Variants in DCUN1D4 observed in about 807,000 individuals in gnomAD.
The protein encoded by DCUN1D4 is defective in cullin neddylation 1 domain containing 4, also known as DCN1-like protein 4.
DCUN1D4 carries 22 observed loss-of-function variants against 47.9 expected under a neutral mutation model. The observed-to-expected ratio is 0.46, with a 90% confidence interval of 0.33 to 0.66. The LOEUF (loss-of-function observed/expected upper bound fraction) is 0.66, where lower values mean the gene tolerates loss of function less well. Ranked by LOEUF, DCUN1D4 falls within the 30% of genes least tolerant of loss-of-function variation. The pLI, the probability that DCUN1D4 is intolerant of heterozygous loss-of-function variation, is 0.02. For missense variants in DCUN1D4, 301 were observed against 340.8 expected (o/e 0.88, Z 0.92); for synonymous variants, 121 against 112.2 (o/e 1.08, Z -0.50).
chr4:51,878,320 A>G (rs1728004528), intron 5 of DCUN1D4, among the ~76,000 whole-genome samples: 1 of 152,182 alleles, frequency 6.6e-6, no homozygotes, highest in South Asian at 2.1e-4. Flanking sequence ...GCAATTTACT[A>G]TAATTGGTTG....
Position 51,863,447 on chromosome 4 carries a change from G to C in DCUN1D4, c.36G>C (p.Leu12=). The change falls in exon 2 of 11, where the codon CTG becomes CTC. Residue 12 remains leucine (L), a synonymous_variant. Coordinates refer to ENST00000334635, the MANE Select transcript of DCUN1D4 (RefSeq NM_001040402.3). ...CTTTTTCTTTTCAAGATTTTCAGCT[G>C]AACTCTCATCTCTCAACACTGGCAA... ...HSDAAAVNFQ[L]NSHLSTLANI... 6.2e-7 allele frequency: 1 copy of C among 1,610,962 alleles called. No individual in the cohort carries two copies.
At chr4:51,878,400 A>G (rs1728018477) in intron 5 of DCUN1D4, among the ~76,000 whole-genome samples, 1 of 152,218 alleles carries the variant, frequency 6.6e-6, no homozygotes, top group African/African-American at 2.4e-5. Context: ...AAGAAAAAGA[A>G]AAAATTTTCA....
chr4:51,859,508 G>T (rs1007607111), intron 1 of DCUN1D4, among the ~76,000 whole-genome samples: 1 of 151,764 alleles, frequency 6.6e-6, no homozygotes, highest in Non-Finnish European at 1.5e-5. Context: ...TTTTATTAAT[G>T]TTTATGTCTC....
chr4:51,835,306 C>G, the DCUN1D4 span, among the ~76,000 whole-genome samples: 2 of 152,110 alleles, frequency 1.3e-5, no homozygotes, highest in Non-Finnish European at 2.9e-5. Flanking sequence ...GTGTTTTCAC[C>G]CATAAAGTGG....
chr4:51,846,957 C>T, intron 1 of DCUN1D4, among the ~76,000 whole-genome samples: 1 of 152,122 alleles, frequency 6.6e-6, no homozygotes, highest in East Asian at 1.9e-4. Flanking sequence ...CTTATAACTC[C>T]CTGTTAACAG....
chr4:51,840,288 C>A (rs1413182237), upstream of DCUN1D4, among the ~76,000 whole-genome samples: 2 of 151,822 alleles, frequency 1.3e-5, no homozygotes, highest in African/African-American at 2.4e-5. Context: ...TATTGATTTA[C>A]ATATTGAAAA....
chr4:51,863,264 T>G (rs983109516), intron 1 of DCUN1D4, among the ~76,000 whole-genome samples, 173 bp from the exon 2 acceptor site: 15 of 152,246 alleles, frequency 9.9e-5, no homozygotes, highest in African/African-American at 3.1e-4. Context: ...GAATTTAACT[T>G]TATTGTCAGA....
At chr4:51,860,475 A>G (rs972451598) in intron 1 of DCUN1D4, 21 of 417,962 alleles carry the variant, frequency 5.0e-5, no homozygotes, top group African/African-American at 3.7e-4. Flanking sequence ...TTGCATTACT[A>G]TAAAGAAATA....
At chr4:51,869,178 A>T (rs994487176) in intron 3 of DCUN1D4, among the ~76,000 whole-genome samples, 29 of 61,464 alleles carry the variant, frequency 4.7e-4, no homozygotes, top group African/African-American at 6.6e-4. Context: ...TAAAAAAAAT[A>T]AAAAAAAATG....
the DCUN1D4 span, among the ~76,000 whole-genome samples, chr4:51,835,822 T>G: frequency 6.6e-6 from 1 of 152,180 alleles, no homozygotes; most frequent in Admixed American, 6.5e-5. Context: ...ACTAGACCCC[T>G]GTTTGGAGCT....
chr4:51,889,866 A>G (rs1577991372), intron 6 of DCUN1D4, among the ~76,000 whole-genome samples: 1 of 152,322 alleles, frequency 6.6e-6, no homozygotes, highest in Middle Eastern at 3.4e-3. Flanking sequence ...ACTTTAACCT[A>G]TTTAACAATC....
At chr4:51,843,676 GA>G (rs1400962132) in intron 1 of DCUN1D4, 2 of 1,246,956 alleles carry the variant, frequency 1.6e-6, no homozygotes, top group Non-Finnish European at 2.0e-6. Flanking sequence ...GCGAGCGAGC[GA>G]GCGGGGCACA....
intron 6 of DCUN1D4, chr4:51,887,248 T>G (rs1577980830): frequency 2.8e-6 from 1 of 354,450 alleles, no homozygotes; most frequent in East Asian, 8.4e-5. Flanking sequence ...ACTACAGGTG[T>G]GCGCCACCAT....
upstream of DCUN1D4, among the ~76,000 whole-genome samples, chr4:51,842,725 C>T (rs1721796757): frequency 6.6e-6 from 1 of 152,188 alleles, no homozygotes; most frequent in Non-Finnish European, 1.5e-5. Flanking sequence ...CCGCCCCCAA[C>T]TGCGCTGCGC....
chr4:51,907,763 ATAGT>A (rs780819879), intron 8 of DCUN1D4, among the ~76,000 whole-genome samples: 107 of 152,312 alleles, frequency 7.0e-4, no homozygotes, highest in African/African-American at 1.3e-3. Flanking sequence ...ATCTTTTGAA[ATAGT>A]TAGGGGCCTT....
At chr4:51,836,849 C>T in the DCUN1D4 span, among the ~76,000 whole-genome samples, 1 of 152,184 alleles carries the variant, frequency 6.6e-6, no homozygotes, top group Non-Finnish European at 1.5e-5. Context: ...TGCCATGCAG[C>T]CACCAACAAC....
At chr4:51,869,864 A>C (rs1023983285) in intron 3 of DCUN1D4, among the ~76,000 whole-genome samples, 1 of 152,226 alleles carries the variant, frequency 6.6e-6, no homozygotes, top group African/African-American at 2.4e-5. Flanking sequence ...TTGAAATCAG[A>C]TGGGGTCAGT....
chr4:51,860,533 G>A (rs1159077211), intron 1 of DCUN1D4: 7 of 452,618 alleles, frequency 1.5e-5, no homozygotes, highest in African/African-American at 8.0e-5. Flanking sequence ...ATTGACTCAC[G>A]GTTCTGCAGG....
At chr4:51,851,003 G>A (rs557703104) in intron 1 of DCUN1D4, among the ~76,000 whole-genome samples, 1 of 152,242 alleles carries the variant, frequency 6.6e-6, no homozygotes, top group Non-Finnish European at 1.5e-5. Context: ...TGGTCCAAAG[G>A]ATTAAATGAG....
Sources: allele counts gnomAD v4.1 joint callset (sites outside exome capture counted in the v4.1 genomes callset), GRCh38; gene constraint gnomAD v4.1.1; transcripts MANE v1.5; gene names NCBI Gene and HGNC (gene_info 2026-07-23, HGNC 2026-07-21).